The following CAMK1D variants were observed in gnomAD, a reference collection of about 807,000 sequenced individuals.
CAMK1D encodes calcium/calmodulin dependent protein kinase ID.
In CAMK1D, 9 loss-of-function variants were observed where a neutral mutation model predicts 47.7. The ratio of observed to expected loss-of-function variants is 0.19; its 90% CI spans 0.11 to 0.33. CAMK1D has a LOEUF of 0.33. Ranked by LOEUF, CAMK1D falls within the 10% of genes least tolerant of loss-of-function variation. CAMK1D has a pLI of 1.00. For synonymous variants in CAMK1D, 184 were observed against 184.9 expected, an observed-to-expected ratio of 0.99 and a Z score of 0.04; for missense variants, 291 against 488.7, an observed-to-expected ratio of 0.60 and a Z score of 3.81.
chr10:12,584,559 C>T (rs1373903860), intron 2 of CAMK1D, among the ~76,000 whole-genome samples: 1 of 151,908 alleles, frequency 6.6e-6, no homozygotes, highest in Admixed American at 6.6e-5. Context: ...GTGGCTCTCG[C>T]CTGTAATCCC....
chr10:12,510,869 A>G (rs894887464), intron 1 of CAMK1D, among the ~76,000 whole-genome samples: 1 of 152,258 alleles, frequency 6.6e-6, no homozygotes, highest in Non-Finnish European at 1.5e-5. Flanking sequence ...GCCTTAATTC[A>G]GCAGAGCACA....
At position 12,722,186 on chromosome 10, in the gene CAMK1D, G is replaced by A. The variant is rs560216199; in HGVS notation, c.300-38762G>A. 1.2e-4 allele frequency among the ~76,000 whole-genome samples: 19 copies of A among 152,252 alleles called. 1 individual carries two copies. In the South Asian group the frequency reaches 3.7e-3, roughly 30 times the overall value. ...AGGCTGGGCGCGGTGGCTCACGCCT[G>A]TAATCCCAGCACTTTGGGAGGCTGA... On this transcript the variant is annotated intron_variant, in intron 3 of 10. Transcript: ENST00000619168.
At chr10:12,512,994 G>T (rs1004092187) in intron 1 of CAMK1D, among the ~76,000 whole-genome samples, 8 of 152,176 alleles carry the variant, frequency 5.3e-5, no homozygotes, top group Admixed American at 2.6e-4. Flanking sequence ...ACACAGTGGG[G>T]ATGGTGTTGT....
In CAMK1D at chr10:12,751,068, T is replaced by TAAGAG. The variant is rs1448196377; in HGVS notation, c.300-9876_300-9875insGAAGA. The stretch of plus-strand genomic sequence containing the variant: ...TCTCCCCCAATAAGATAAGATAAGA[T>TAAGAG]AAGATAAGATAAGATAAGATAAGAT... On this transcript the variant is annotated intron_variant, in intron 3 of 10. Coordinates refer to ENST00000619168, the MANE Select transcript of CAMK1D (RefSeq NM_153498.4). Among the ~76,000 whole-genome samples the TAAGAG allele has an allele frequency of 5.9e-3, 122 of 20,686 alleles. 2 individuals carry two copies. The highest frequency in any genetic ancestry group is 9.0e-3 in the Non-Finnish European group (102 of 11,290). 13.6% of individuals were successfully genotyped at this position (20,686 alleles called of 152,430 possible). A position where few individuals can be genotyped will look rare whatever the true frequency, so the allele number is the denominator to read the frequency against.
intron 2 of CAMK1D, among the ~76,000 whole-genome samples, chr10:12,590,615 C>G (rs1194954499): frequency 2.0e-5 from 3 of 152,184 alleles, no homozygotes; most frequent in Non-Finnish European, 4.4e-5. Flanking sequence ...TGAATGAATG[C>G]ACTTGAACAA....
intron 1 of CAMK1D, among the ~76,000 whole-genome samples, chr10:12,375,999 C>T (rs1303477761): frequency 1.3e-5 from 2 of 151,326 alleles, no homozygotes; most frequent in Non-Finnish European, 2.9e-5. Flanking sequence ...CCTGTCTCTA[C>T]GAAAAATACA....
chr10:12,560,605 A>G (rs1473435913), intron 2 of CAMK1D, among the ~76,000 whole-genome samples: 1 of 151,720 alleles, frequency 6.6e-6, no homozygotes, highest in Admixed American at 6.6e-5. Context: ...AAATTCATTG[A>G]TTGGGGCTGA....
chr10:12,430,281 A>G (rs774490660), intron 1 of CAMK1D, among the ~76,000 whole-genome samples: 2 of 152,112 alleles, frequency 1.3e-5, no homozygotes, highest in African/African-American at 4.8e-5. Context: ...GTGGTCAATA[A>G]TTCCCAAATG....
At chr10:12,828,403 G>A (rs1056126079) in intron 10 of CAMK1D, among the ~76,000 whole-genome samples, 3 of 152,178 alleles carry the variant, frequency 2.0e-5, no homozygotes, top group Admixed American at 1.3e-4. Flanking sequence ...CACTTTGGGA[G>A]GCTGAGGTGG....
intron 1 of CAMK1D, among the ~76,000 whole-genome samples, chr10:12,418,002 A>G (rs941565722): frequency 6.6e-6 from 1 of 152,094 alleles, no homozygotes; most frequent in Non-Finnish European, 1.5e-5. Context: ...AGGTTTCACT[A>G]TGTTGGCCAG....
At chr10:12,780,763 C>A (rs10732937) in intron 5 of CAMK1D, among the ~76,000 whole-genome samples, 143,166 of 152,308 alleles carry the variant, frequency 0.94, 67,956 homozygotes, top group East Asian at 1. Flanking sequence ...GTTAGTGTCA[C>A]AACAGGGTTT....
intron 2 of CAMK1D, among the ~76,000 whole-genome samples, chr10:12,663,477 C>G (rs1043856064): frequency 2.0e-5 from 3 of 152,066 alleles, no homozygotes; most frequent in Non-Finnish European, 4.4e-5. Context: ...AAGGTGGAAG[C>G]TAGTTCTCTG....
intron 1 of CAMK1D, among the ~76,000 whole-genome samples, chr10:12,525,517 A>AT (rs1225992726): frequency 2.8e-4 from 42 of 152,088 alleles, no homozygotes; most frequent in Non-Finnish European, 8.8e-5. Flanking sequence ...CATCTAGTGA[A>AT]TTTTTAAAAA....
At chr10:12,642,474 G>A (rs886093549) in intron 2 of CAMK1D, among the ~76,000 whole-genome samples, 7 of 152,200 alleles carry the variant, frequency 4.6e-5, no homozygotes, top group African/African-American at 1.7e-4. Context: ...CAGGGTTGGG[G>A]GGTAGCGGAT....
At chr10:12,579,478 T>G (rs1564424812) in intron 2 of CAMK1D, among the ~76,000 whole-genome samples, 1 of 152,226 alleles carries the variant, frequency 6.6e-6, no homozygotes, top group African/African-American at 2.4e-5. Context: ...CCATTGCCTT[T>G]GGAATGTGGT....
At chr10:12,729,790 C>T (rs1488850731) in intron 3 of CAMK1D, among the ~76,000 whole-genome samples, 1 of 152,106 alleles carries the variant, frequency 6.6e-6, no homozygotes, top group East Asian at 1.9e-4. Flanking sequence ...GCATTGCAGG[C>T]AGGGGGAATG....
intron 2 of CAMK1D, among the ~76,000 whole-genome samples, chr10:12,605,170 G>C (rs1838415694): frequency 6.6e-6 from 1 of 152,166 alleles, no homozygotes; most frequent in African/African-American, 2.4e-5. Flanking sequence ...AGAGGCATGA[G>C]CCACCGTGCC....
At chr10:12,552,478 T>A (rs933464150) in intron 1 of CAMK1D, among the ~76,000 whole-genome samples, 1 of 152,186 alleles carries the variant, frequency 6.6e-6, no homozygotes, top group Non-Finnish European at 1.5e-5. Context: ...TTCCTCTAGA[T>A]GAAAAAGCCT....
rs1833387574 is a variant in CAMK1D at position 12,829,788 on chromosome 10, G to A, written c.*901G>A. On this transcript the variant is annotated 3_prime_UTR_variant, in exon 11 of 11. Coordinates refer to ENST00000619168, the MANE Select transcript of CAMK1D (RefSeq NM_153498.4). ...ATCATGAATCTGTCTCCAAGGCTAA[G>A]AGTGCCCTTCACCTCTACTCCTTCT... The A allele has an allele frequency of 6.6e-6, 1 of 150,860 alleles. No homozygotes were observed. Among genetic ancestry groups the A allele is most frequent in the Non-Finnish European group, 1.5e-5 (1 of 67,884 alleles). 9.3% of individuals were successfully genotyped at this position (150,860 alleles called of 1,614,324 possible). A position where few individuals can be genotyped will look rare whatever the true frequency, so the allele number is the denominator to read the frequency against.
Sources: gnomAD v4.1 joint callset for allele counts (sites outside exome capture counted in the v4.1 genomes callset) on GRCh38, gnomAD v4.1.1 for gene constraint, MANE v1.5 for transcripts, NCBI Gene and HGNC (gene_info 2026-07-23, HGNC 2026-07-21) for gene names.